The following RASSF5 variants were observed in gnomAD, a reference collection of about 807,000 sequenced individuals.
RASSF5 encodes the protein ras association domain-containing protein 5.
A neutral mutation model predicts 40.5 loss-of-function variants in RASSF5; 25 were observed. That is an observed-to-expected ratio of 0.62 (90% CI 0.45 to 0.86). RASSF5 has a LOEUF of 0.86. Ranked by LOEUF, RASSF5 falls within the 40% of genes least tolerant of loss-of-function variation. RASSF5 has a pLI of 0.00. For synonymous variants in RASSF5, 246 were observed against 252.4 expected (o/e 0.97, Z 0.24); for missense variants, 521 against 572.8 (o/e 0.91, Z 0.92).
Position 206,580,282 on chromosome 1 carries a change from G to A in RASSF5, c.580-2987G>A, listed in dbSNP as rs186040036. Reference sequence around the variant, plus strand: ...CCACAGCACAGCTGCCTTTTCTTACGGGGAAATGGCTCTAGCTTGATTGGA... The same window carrying A: ...CCACAGCACAGCTGCCTTTTCTTACAGGGAAATGGCTCTAGCTTGATTGGA... On this transcript the variant is annotated intron_variant, in intron 2 of 5. Transcript: ENST00000579436. 1.1e-3 allele frequency among the ~76,000 whole-genome samples: 169 copies of A among 152,328 alleles called. 1 individual carries two copies. The highest frequency in any genetic ancestry group is 1.2e-3 in the Non-Finnish European group (81 of 68,022).
At chr1:206,549,745 C>G (rs1368751936) in intron 2 of RASSF5, among the ~76,000 whole-genome samples, 4 of 152,294 alleles carry the variant, frequency 2.6e-5, no homozygotes, top group African/African-American at 9.6e-5. Flanking sequence ...CTAATTATTT[C>G]CCACCACTAA....
chr1:206,539,316 C>G (rs961905928), intron 2 of RASSF5, among the ~76,000 whole-genome samples: 1 of 152,130 alleles, frequency 6.6e-6, no homozygotes, highest in Non-Finnish European at 1.5e-5. Context: ...TATCCTGTGT[C>G]TCTGACGGAA....
At chr1:206,563,391 C>G (rs1358267124) in intron 2 of RASSF5, among the ~76,000 whole-genome samples, 1 of 152,218 alleles carries the variant, frequency 6.6e-6, no homozygotes, top group Non-Finnish European at 1.5e-5. Flanking sequence ...TTGTACCTCT[C>G]TCTCATCTGT....
chr1:206,529,018 AT>A (rs1229408464), intron 1 of RASSF5: 4 of 738,376 alleles, frequency 5.4e-6, no homozygotes, highest in South Asian at 1.7e-5. Context: ...AGGCCTAAGA[AT>A]TTTGGCATTG....
At chr1:206,536,750 G>T (rs1213814183) in intron 1 of RASSF5, among the ~76,000 whole-genome samples, 3 of 152,144 alleles carry the variant, frequency 2.0e-5, no homozygotes, top group Non-Finnish European at 2.9e-5. Flanking sequence ...CCCCAGGTAT[G>T]CAATCAAGTC....
chr1:206,587,003 G>A lies in RASSF5; in HGVS notation c.*25G>A. 7 of 1,613,640 alleles carry A rather than the reference G, an allele frequency of 4.3e-6. No individual in the cohort carries two copies. Among genetic ancestry groups the A allele is most frequent in the Non-Finnish European group, 5.9e-6 (7 of 1,179,742 alleles). ...ACCGGTCCTGCTTCCTCTCCTCCTG[G>A]TGCATTCAGATTTATTTGTATTATT... On this transcript the variant is annotated 3_prime_UTR_variant, in exon 6 of 6. Transcript: ENST00000579436.
chr1:206,564,645 C>G (rs1553403129), intron 2 of RASSF5, among the ~76,000 whole-genome samples: 1 of 152,170 alleles, frequency 6.6e-6, no homozygotes, highest in Non-Finnish European at 1.5e-5. Flanking sequence ...TTACCAGGTA[C>G]CCCACACCTG....
intron 2 of RASSF5, among the ~76,000 whole-genome samples, chr1:206,562,321 GAGAAA>G (rs1381295560): frequency 3.3e-5 from 5 of 152,348 alleles, no homozygotes; most frequent in South Asian, 2.1e-4. Flanking sequence ...CTCGGCATGA[GAGAAA>G]AGAAAAGATT....
intron 2 of RASSF5, chr1:206,544,937 A>T (rs960604022): frequency 3.3e-5 from 5 of 151,490 alleles, no homozygotes; most frequent in Admixed American, 2.6e-4. Context: ...CTTGTCCCTC[A>T]GCCCAACAGC....
intron 2 of RASSF5, among the ~76,000 whole-genome samples, chr1:206,559,515 C>G (rs1668080970): frequency 6.6e-6 from 1 of 152,246 alleles, no homozygotes; most frequent in East Asian, 1.9e-4. Flanking sequence ...CCCCAGTTCT[C>G]CTTCCTCACC....
In RASSF5 at chr1:206,513,801, G is replaced by A. The variant is rs1475798350; in HGVS notation, c.457+5742G>A. Reference sequence around the variant, plus strand: ...TTTTGGGGCTTAGGGGAAACAGCGAGGAGGCTGAGGTGATGACGTTAGACC... The same window carrying A: ...TTTTGGGGCTTAGGGGAAACAGCGAAGAGGCTGAGGTGATGACGTTAGACC... On this transcript the variant is annotated intron_variant, in intron 1 of 5. Transcript: ENST00000579436. The surrounding 1 kb of genome is among the most constrained non-coding windows in gnomAD (Gnocchi z 5.0). Among the ~76,000 whole-genome samples the A allele has an allele frequency of 6.6e-6, 1 of 152,226 alleles. No individual in the cohort carries two copies. The highest frequency in any genetic ancestry group is 1.5e-5 in the Non-Finnish European group (1 of 68,036).
intron 1 of RASSF5, among the ~76,000 whole-genome samples, chr1:206,523,459 T>A (rs1390318185): frequency 8.8e-6 from 1 of 114,060 alleles, no homozygotes; most frequent in Non-Finnish European, 1.7e-5. Flanking sequence ...TATAATATAT[T>A]AAATATATTT....
intron 2 of RASSF5, among the ~76,000 whole-genome samples, chr1:206,539,387 G>A (rs148278503): frequency 6.6e-6 from 1 of 152,122 alleles, no homozygotes; most frequent in Non-Finnish European, 1.5e-5. Flanking sequence ...GGAGACTCAC[G>A]AGCAGCCCCC....
In RASSF5 at chr1:206,557,703, A is replaced by G. The variant is rs782608734; in HGVS notation, c.579+19410A>G. 11 of 1,613,502 alleles carry G rather than the reference A, an allele frequency of 6.8e-6. No homozygotes were observed. In the East Asian group the frequency reaches 1.1e-4, roughly 16 times the overall value. On this transcript the variant is annotated intron_variant, in intron 2 of 5. Coordinates refer to ENST00000579436, the MANE Select transcript of RASSF5 (RefSeq NM_182663.4). ...CAAACATCTTTCAAAGGTAAACATAATAATGGAATGCAGGAGCCTTTCGTG... is the reference window on the plus strand; with the variant it reads ...CAAACATCTTTCAAAGGTAAACATAGTAATGGAATGCAGGAGCCTTTCGTG...
chr1:206,527,133 G>A (rs1440095948), intron 1 of RASSF5, among the ~76,000 whole-genome samples: 9 of 152,094 alleles, frequency 5.9e-5, no homozygotes, highest in Admixed American at 3.9e-4. Context: ...TTCATTGCAC[G>A]CCCCAGCACC....
chr1:206,573,520 G>A (rs1373932632), intron 2 of RASSF5, among the ~76,000 whole-genome samples: 7 of 152,194 alleles, frequency 4.6e-5, no homozygotes, highest in African/African-American at 1.7e-4. Flanking sequence ...GAAATCCAAG[G>A]CTCACTACTG....
At chr1:206,534,091 A>G (rs1381955608) in intron 1 of RASSF5, among the ~76,000 whole-genome samples, 1 of 152,138 alleles carries the variant, frequency 6.6e-6, no homozygotes, top group Non-Finnish European at 1.5e-5. Flanking sequence ...GCGAGACAGT[A>G]ATTTTCTGTT....
At chr1:206,512,538 T>C (rs1435453207) in intron 1 of RASSF5, among the ~76,000 whole-genome samples, 1 of 152,136 alleles carries the variant, frequency 6.6e-6, no homozygotes, top group Non-Finnish European at 1.5e-5. Flanking sequence ...GCGGAGTTAT[T>C]AGGTGGAAGT....
intron 2 of RASSF5, chr1:206,557,017 T>C (rs1553401844): frequency 2.4e-6 from 1 of 420,856 alleles, no homozygotes; most frequent in Non-Finnish European, 3.2e-6. Flanking sequence ...TCCTGGTCCC[T>C]TCTTTCCCTG....
Sources: gnomAD v4.1 joint callset for allele counts (sites outside exome capture counted in the v4.1 genomes callset) on GRCh38, gnomAD v4.1.1 for gene constraint, Gnocchi (gnomAD v3.1) non-coding constraint, MANE v1.5 for transcripts, NCBI Gene and HGNC (gene_info 2026-07-23, HGNC 2026-07-21) for gene names.